The following AFG2A variants were observed in gnomAD, a reference collection of about 807,000 sequenced individuals.
AFG2A encodes AAA ATPase AFG2A, also known as ATPase family gene 2 protein homolog A.
chr4:122,960,162 C>CT, the AFG2A span, among the ~76,000 whole-genome samples: 4 of 152,224 alleles, frequency 2.6e-5, no homozygotes, highest in African/African-American at 7.2e-5. Context: ...AAGCTAGACT[C>CT]TAACACATCC....
chr4:123,109,062 A>G, the AFG2A span, among the ~76,000 whole-genome samples: 1 of 152,144 alleles, frequency 6.6e-6, no homozygotes, highest in Non-Finnish European at 1.5e-5. Flanking sequence ...TTATATTACT[A>G]AGTGATTTGG....
At chr4:123,097,935 G>T in the AFG2A span, among the ~76,000 whole-genome samples, 9 of 152,208 alleles carry the variant, frequency 5.9e-5, no homozygotes, top group South Asian at 4.1e-4. Flanking sequence ...TTTAAAAGTG[G>T]TTTTTTGTGA....
chr4:123,068,494 T>C, the AFG2A span, among the ~76,000 whole-genome samples: 57 of 152,182 alleles, frequency 3.7e-4, no homozygotes, highest in Non-Finnish European at 6.3e-4. Flanking sequence ...GAGGTGTCAA[T>C]AAAACATTTC....
chr4:123,076,114 TA>T, the AFG2A span, among the ~76,000 whole-genome samples: 3 of 151,730 alleles, frequency 2.0e-5, no homozygotes, highest in South Asian at 4.2e-4. Context: ...ATAAAAAATT[TA>T]AAAAAATTAG....
chr4:123,250,362 T>C, the AFG2A span, among the ~76,000 whole-genome samples: 2 of 152,166 alleles, frequency 1.3e-5, no homozygotes, highest in Non-Finnish European at 2.9e-5. Context: ...CTAACATGTT[T>C]ACAGTAATGA....
chr4:122,977,779 G>C, the AFG2A span, among the ~76,000 whole-genome samples: 3 of 152,238 alleles, frequency 2.0e-5, no homozygotes, highest in African/African-American at 7.2e-5. Flanking sequence ...GCTTCATTGA[G>C]CAAGAGAACA....
chr4:123,074,095 A>ATATTTTTT, the AFG2A span, among the ~76,000 whole-genome samples: 1 of 102,068 alleles, frequency 9.8e-6, no homozygotes, highest in Non-Finnish European at 1.9e-5. Context: ...CTCAGATAGT[A>ATATTTTTT]TTTTTTTTTT....
chr4:123,137,310 A>G, the AFG2A span, among the ~76,000 whole-genome samples: 3,226 of 152,280 alleles, frequency 0.021, 61 homozygotes, highest in Non-Finnish European at 0.035. Flanking sequence ...TATTTGGTCT[A>G]TTCTTTTGGT....
At chr4:123,174,238 G>A in the AFG2A span, among the ~76,000 whole-genome samples, 1 of 152,114 alleles carries the variant, frequency 6.6e-6, no homozygotes, top group Non-Finnish European at 1.5e-5. Flanking sequence ...ATTACAAAAA[G>A]TATAATGCAT....
chr4:123,308,685 G>A, the AFG2A span, among the ~76,000 whole-genome samples: 2 of 152,170 alleles, frequency 1.3e-5, no homozygotes, highest in Middle Eastern at 3.2e-3. Flanking sequence ...GTGCTAAAAA[G>A]GTTGGGGACT....
the AFG2A span, among the ~76,000 whole-genome samples, chr4:123,032,955 A>G: frequency 1.3e-5 from 2 of 152,214 alleles, no homozygotes; most frequent in African/African-American, 4.8e-5. Flanking sequence ...GGAGTATTCA[A>G]TGCTTTATGA....
chr4:122,975,124 G>A, the AFG2A span, among the ~76,000 whole-genome samples: 1 of 152,064 alleles, frequency 6.6e-6, no homozygotes, highest in Non-Finnish European at 1.5e-5. Flanking sequence ...AATTTACAAA[G>A]AACAGAAATT....
chr4:123,227,186 A>G, the AFG2A span, among the ~76,000 whole-genome samples: 77 of 152,180 alleles, frequency 5.1e-4, 2 homozygotes, highest in South Asian at 0.016. Flanking sequence ...GATTTTTTGA[A>G]AGGTTTTTTG....
At chr4:123,303,963 G>A in the AFG2A span, among the ~76,000 whole-genome samples, 1 of 151,134 alleles carries the variant, frequency 6.6e-6, no homozygotes, top group Non-Finnish European at 1.5e-5. Flanking sequence ...GACGATTCAA[G>A]GGAATTTAGC....
chr4:123,209,399 A>G, the AFG2A span, among the ~76,000 whole-genome samples: 3 of 152,034 alleles, frequency 2.0e-5, no homozygotes, highest in Non-Finnish European at 4.4e-5. Context: ...TTGCTGTGGT[A>G]TGAGAGCAGA....
the AFG2A span, among the ~76,000 whole-genome samples, chr4:123,048,360 A>G: frequency 6.6e-6 from 1 of 152,164 alleles, no homozygotes; most frequent in East Asian, 1.9e-4. Flanking sequence ...GTGGATCCAT[A>G]TGAAATTTAG....
At chr4:122,924,055 G>A in the AFG2A span, among the ~76,000 whole-genome samples, 6 of 152,108 alleles carry the variant, frequency 3.9e-5, no homozygotes, top group African/African-American at 1.4e-4. Context: ...TTGAAAAATG[G>A]ACCAGACTAG....
the AFG2A span, among the ~76,000 whole-genome samples, chr4:123,237,317 G>A: frequency 6.6e-6 from 1 of 152,172 alleles, no homozygotes; most frequent in African/African-American, 2.4e-5. Flanking sequence ...CAAAGGTGCT[G>A]TTAGACTGTG....
At chr4:123,169,065 A>G in the AFG2A span, among the ~76,000 whole-genome samples, 1 of 152,184 alleles carries the variant, frequency 6.6e-6, no homozygotes, top group Non-Finnish European at 1.5e-5. Flanking sequence ...AGCTTATAAC[A>G]TTCTCAGAGG....
Sources: allele counts gnomAD v4.1 joint callset (sites outside exome capture counted in the v4.1 genomes callset), GRCh38; gene constraint gnomAD v4.1.1; transcripts MANE v1.5; gene names NCBI Gene and HGNC (gene_info 2026-07-23, HGNC 2026-07-21).